ITPR1: variants seen among roughly 807,000 people sequenced by gnomAD.
ITPR1 encodes the protein inositol 1,4,5-trisphosphate receptor type 1, also known as inositol 1,4,5-trisphosphate-gated calcium channel ITPR1.
A neutral mutation model predicts 318.4 loss-of-function variants in ITPR1; 96 were observed. That is an observed-to-expected ratio of 0.30 (90% CI 0.26 to 0.36). ITPR1 has a LOEUF of 0.36. Ranked by LOEUF, ITPR1 falls within the 10% of genes least tolerant of loss-of-function variation. The pLI is 1.00. For synonymous variants in ITPR1, 1,312 were observed against 1,289.9 expected (o/e 1.02, Z -0.37); for missense variants, 2,440 against 3,460.2 (o/e 0.71, Z 7.40).
At chr3:4,689,030 T>G (rs757348222) in intron 31 of ITPR1, among the ~76,000 whole-genome samples, 10 of 152,232 alleles carry the variant, frequency 6.6e-5, no homozygotes, top group Non-Finnish European at 1.5e-4. Context: ...CTTAGTTTGT[T>G]AAATATATTT....
rs71301158 is a variant in ITPR1 at position 4,493,886 on chromosome 3, CTTTTTTTTT to C, written c.-93+292_-93+300del. Among the ~76,000 whole-genome samples, 47 of 125,592 alleles carry C rather than the reference CTTTTTTTTT, an allele frequency of 3.7e-4. No individual in the cohort carries two copies. In the East Asian group the frequency reaches 0.01, roughly 27 times the overall value. 82.4% of individuals were successfully genotyped at this position (125,592 alleles called of 152,430 possible). A position where few individuals can be genotyped will look rare whatever the true frequency, so the allele number is the denominator to read the frequency against. On this transcript the variant is annotated intron_variant, in intron 1 of 61. Transcript: ENST00000649015. The stretch of plus-strand genomic sequence containing the variant: ...GTTGCTGCAGCTGCAGGAAATAGTT[CTTTTTTTTT>C]TTTTTTTTTTGAAGAGAGGTTGTGG...
chr3:4,505,717 T>C (rs1045812119), intron 2 of ITPR1, among the ~76,000 whole-genome samples: 20 of 152,174 alleles, frequency 1.3e-4, no homozygotes, highest in African/African-American at 4.3e-4. Flanking sequence ...GCTTGACGAC[T>C]GGAGGATAGA....
In ITPR1 at chr3:4,645,797, C is replaced by CTATATA. The variant is rs574480843; in HGVS notation, c.855+70_855+71insATATAT. The CTATATA allele has an allele frequency of 4.5e-4, 646 of 1,420,178 alleles. 3 individuals carry two copies. In the African/African-American group the frequency reaches 5.7e-3, roughly 12 times the overall value. The allele number at this position is 1,420,178 out of a possible 1,614,324, so 88.0% of individuals were successfully genotyped here. ...CAGCCTGTATATAGGCTCTCTCTCT[C>CTATATA]TCTATCCTACAAATATTCATACATA... On this transcript the variant is annotated intron_variant, in intron 10 of 61. Transcript: ENST00000649015.
At chr3:4,737,748 A>G in intron 44 of ITPR1, among the ~76,000 whole-genome samples, 1 of 152,196 alleles carries the variant, frequency 6.6e-6, no homozygotes, top group Non-Finnish European at 1.5e-5. Context: ...GAGAACCTGA[A>G]CTTAAATCTC....
chr3:4,534,455 G>A (rs995974147), intron 4 of ITPR1, among the ~76,000 whole-genome samples: 2 of 152,306 alleles, frequency 1.3e-5, no homozygotes, highest in South Asian at 4.1e-4. Context: ...CACTGATTTG[G>A]GAGAGATAAG....
chr3:4,685,817 C>G (rs2094384380), intron 30 of ITPR1, among the ~76,000 whole-genome samples: 1 of 152,180 alleles, frequency 6.6e-6, no homozygotes, highest in African/African-American at 2.4e-5. Flanking sequence ...TGACAAGACA[C>G]TTATGAAATC....
chr3:4,763,097 A>C (rs2045566103), intron 44 of ITPR1, among the ~76,000 whole-genome samples: 1 of 152,214 alleles, frequency 6.6e-6, no homozygotes, highest in African/African-American at 2.4e-5. Flanking sequence ...AAACTAATGC[A>C]AGAATAGAAA....
rs370968642 is a variant in ITPR1 at position 4,768,806 on chromosome 3, G to T, written c.5979+42G>T. 19 of 1,573,120 alleles carry T rather than the reference G, an allele frequency of 1.2e-5. No homozygotes were observed. The African/African-American group carries it at 2.3e-4, about 19-fold the overall frequency. On this transcript the variant is annotated intron_variant, in intron 46 of 61. Transcript: ENST00000649015. ...GGGGGCGTGGAGGGAGCTCGGGAAAGGCTGCCAAGGCCTGCCTTCCTCTGA... is the reference window on the plus strand; with the variant it reads ...GGGGGCGTGGAGGGAGCTCGGGAAATGCTGCCAAGGCCTGCCTTCCTCTGA...
At chr3:4,517,327 T>C (rs143912131) in intron 3 of ITPR1, among the ~76,000 whole-genome samples, 101 of 152,292 alleles carry the variant, frequency 6.6e-4, no homozygotes, top group African/African-American at 2.4e-3. Context: ...ATTGTCTTTG[T>C]GTAGAAAGGA....
chr3:4,644,286 C>A, intron 8 of ITPR1, 52 bp downstream of exon 8: 1 of 1,274,322 alleles, frequency 7.8e-7, no homozygotes, highest in Non-Finnish European at 1.1e-6. Flanking sequence ...AGGAGCGGGT[C>A]TGGCAGGCGC....
intron 6 of ITPR1, among the ~76,000 whole-genome samples, chr3:4,640,908 C>T (rs1417025548): frequency 6.6e-6 from 1 of 152,184 alleles, no homozygotes; most frequent in Admixed American, 6.5e-5. Context: ...CCAGAGGTTA[C>T]TCACCAGGGG....
chr3:4,592,308 C>T (rs1295107844), intron 4 of ITPR1, among the ~76,000 whole-genome samples: 1 of 152,152 alleles, frequency 6.6e-6, no homozygotes, highest in Non-Finnish European at 1.5e-5. Context: ...CTCTTATGCA[C>T]CTTGTCTTTT....
chr3:4,576,358 G>A (rs376812631), intron 4 of ITPR1, among the ~76,000 whole-genome samples: 1 of 152,144 alleles, frequency 6.6e-6, no homozygotes, highest in East Asian at 1.9e-4. Context: ...TAGATTCCTG[G>A]GTCCAACCCC....
At chr3:4,614,624 T>A (rs535134649) in intron 4 of ITPR1, among the ~76,000 whole-genome samples, 6 of 152,354 alleles carry the variant, frequency 3.9e-5, no homozygotes, top group African/African-American at 1.4e-4. Flanking sequence ...GGTTCTAGAT[T>A]GATGAACACT....
chr3:4,611,644 C>T (rs2092129453), intron 4 of ITPR1, among the ~76,000 whole-genome samples: 1 of 151,814 alleles, frequency 6.6e-6, no homozygotes, highest in Non-Finnish European at 1.5e-5. Context: ...ACTCGGGAGG[C>T]TGAGGTGAGA....
chr3:4,781,987 AAAG>A (rs531292076), intron 49 of ITPR1, among the ~76,000 whole-genome samples: 66 of 152,336 alleles, frequency 4.3e-4, no homozygotes, highest in Non-Finnish European at 8.1e-4. Context: ...TGTCTCAAAA[AAAG>A]GAGGGGAATC....
At chr3:4,834,177 G>A (rs2050719457) in intron 60 of ITPR1, among the ~76,000 whole-genome samples, 1 of 152,184 alleles carries the variant, frequency 6.6e-6, no homozygotes, top group Admixed American at 6.5e-5. Flanking sequence ...ACAGGCACCA[G>A]CCACCAGGAC....
chr3:4,840,158 T>G (rs2106550353), intron 61 of ITPR1, among the ~76,000 whole-genome samples: 1 of 151,352 alleles, frequency 6.6e-6, no homozygotes, highest in East Asian at 2.0e-4. Context: ...GAGAATCAAC[T>G]TGTTGAATAG....
chr3:4,830,830 A>C, intron 60 of ITPR1: 1 of 431,796 alleles, frequency 2.3e-6, no homozygotes, highest in East Asian at 7.1e-5. Context: ...CTTCTCCCCC[A>C]TGACCCTTTC....
Sources: gnomAD v4.1 joint callset for allele counts (sites outside exome capture counted in the v4.1 genomes callset) on GRCh38, gnomAD v4.1.1 for gene constraint, MANE v1.5 for transcripts, NCBI Gene and HGNC (gene_info 2026-07-23, HGNC 2026-07-21) for gene names.